MYRFL: variants seen among roughly 807,000 people sequenced by gnomAD.
MYRFL encodes the protein myelin regulatory factor like.
MYRFL carries 88 observed loss-of-function variants against 109.4 expected under a neutral mutation model. The observed-to-expected ratio is 0.80, with a 90% CI of 0.68 to 0.96. MYRFL has a LOEUF of 0.96. Ranked by LOEUF, MYRFL falls within the 40% of genes least tolerant of loss-of-function variation. The pLI, the probability that MYRFL is intolerant of heterozygous loss-of-function variation, is 0.00. For synonymous variants in MYRFL, 324 were observed against 320.9 expected (o/e 1.01, Z -0.10); for missense variants, 957 against 954.9 (o/e 1.00, Z -0.03).
chr12:69,880,676 AG>A (rs1451556693), intron 5 of MYRFL, among the ~76,000 whole-genome samples: 1 of 152,240 alleles, frequency 6.6e-6, no homozygotes, highest in Non-Finnish European at 1.5e-5. Context: ...AAATAGCATG[AG>A]GATCTTGGTA....
At chr12:69,922,174 G>A (rs1403034554) in intron 13 of MYRFL, among the ~76,000 whole-genome samples, 5 of 152,046 alleles carry the variant, frequency 3.3e-5, no homozygotes, top group Non-Finnish European at 7.4e-5. Flanking sequence ...TCTGTTTTGG[G>A]CTGCTGGTGG....
chr12:69,885,719 A>G (rs1886407040), intron 5 of MYRFL, among the ~76,000 whole-genome samples: 1 of 152,228 alleles, frequency 6.6e-6, no homozygotes, highest in Non-Finnish European at 1.5e-5. Context: ...TATGCAAAAT[A>G]GGAGGTTGCA....
intron 13 of MYRFL, among the ~76,000 whole-genome samples, chr12:69,920,646 G>A (rs913962172): frequency 3.3e-5 from 5 of 152,168 alleles, no homozygotes; most frequent in Non-Finnish European, 5.9e-5. Context: ...TTCAGGTAGA[G>A]GAAGCAGCAT....
chr12:69,889,342 C>A (rs1282118941), intron 6 of MYRFL, among the ~76,000 whole-genome samples: 1 of 152,056 alleles, frequency 6.6e-6, no homozygotes, highest in Non-Finnish European at 1.5e-5. Flanking sequence ...TAATGTTATG[C>A]ATTTAATATG....
intron 1 of MYRFL, among the ~76,000 whole-genome samples, chr12:69,854,060 G>C (rs1884102346): frequency 6.6e-6 from 1 of 152,220 alleles, no homozygotes; most frequent in African/African-American, 2.4e-5. Flanking sequence ...GGGCAACATT[G>C]AGCACTGAGT....
Position 69,880,214 on chromosome 12 carries a change from C to G in MYRFL, c.478C>G (p.Pro160Ala). 2 of 702,662 alleles carry G rather than the reference C, an allele frequency of 2.8e-6. No homozygotes were observed. The highest frequency in any genetic ancestry group is 5.2e-6 in the Non-Finnish European group (2 of 384,774). 43.5% of individuals were successfully genotyped at this position (702,662 alleles called of 1,614,324 possible). ...TCTTGATTTTAGAGCCTCATTGCCT[C>G]CAACCAAGAAGAGAAAGTGCACGCA... Reference protein sequence around the residue: ...LCHSPGASLPPTKKRKCTQAL... With the variant: ...LCHSPGASLPATKKRKCTQAL... The change falls in exon 5 of 25, where the codon CCA becomes GCA. Residue 160 changes from proline (P) to alanine (A), a missense_variant. Pro to Ala is a conservative substitution (Grantham distance 27). Coordinates refer to ENST00000552032, the MANE Select transcript of MYRFL (RefSeq NM_182530.3).
At chr12:69,912,123 A>G (rs1052602319) in intron 13 of MYRFL, among the ~76,000 whole-genome samples, 2 of 152,220 alleles carry the variant, frequency 1.3e-5, no homozygotes. Flanking sequence ...AGGCCTGCTC[A>G]GCCCAGGGCT....
intron 9 of MYRFL, 90 bp from the exon 10 acceptor site, chr12:69,897,066 A>G (rs1196560452): frequency 1.2e-6 from 1 of 852,228 alleles, no homozygotes; most frequent in African/African-American, 1.7e-5. Context: ...CGATAAGTTC[A>G]CTATTGATCA....
At chr12:69,928,080 C>T (rs966757995) in intron 15 of MYRFL, among the ~76,000 whole-genome samples, 2 of 152,150 alleles carry the variant, frequency 1.3e-5, no homozygotes, top group African/African-American at 4.8e-5. Flanking sequence ...GACCGCCACC[C>T]CCTTATCTTT....
At chr12:69,880,900 TTTAGAAGTCTTTCATCCGAG>T (rs891014097) in intron 5 of MYRFL, among the ~76,000 whole-genome samples, 2 of 151,598 alleles carry the variant, frequency 1.3e-5, no homozygotes, top group African/African-American at 4.8e-5. Context: ...TTGAAATCAT[TTTAGAAGTCTTTCATCCGAG>T]TCATCTAATG....
intron 1 of MYRFL, among the ~76,000 whole-genome samples, chr12:69,847,005 AGT>A (rs561500920): frequency 6.0e-4 from 91 of 152,106 alleles, no homozygotes; most frequent in South Asian, 1.0e-3. Context: ...TCTTTTGAGA[AGT>A]GTCTGTTCAT....
intron 1 of MYRFL, among the ~76,000 whole-genome samples, chr12:69,839,711 A>G (rs1465000248): frequency 6.6e-6 from 1 of 152,226 alleles, no homozygotes; most frequent in Admixed American, 6.5e-5. Context: ...GAGAAAGTAA[A>G]TGTAAAATTC....
At chr12:69,935,539 T>A (rs538152216) in intron 16 of MYRFL, among the ~76,000 whole-genome samples, 1 of 152,320 alleles carries the variant, frequency 6.6e-6, no homozygotes, top group South Asian at 2.1e-4. Flanking sequence ...ATTTTTGAAG[T>A]CTCACAGTGT....
chr12:69,836,164 T>C (rs1390593682), intron 1 of MYRFL, among the ~76,000 whole-genome samples: 1 of 152,212 alleles, frequency 6.6e-6, no homozygotes, highest in Non-Finnish European at 1.5e-5. Context: ...TTCCGTGTGC[T>C]TCTGCCGGTC....
intron 2 of MYRFL, among the ~76,000 whole-genome samples, chr12:69,859,783 A>G (rs1884523656): frequency 6.6e-6 from 1 of 152,172 alleles, no homozygotes; most frequent in South Asian, 2.1e-4. Context: ...GGTGCTGGAG[A>G]GGATGTGGAG....
rs528336393 is a variant in MYRFL at position 69,918,954 on chromosome 12, G to C, written c.1603-7617G>C. Among the ~76,000 whole-genome samples, 43 of 152,188 alleles carry C rather than the reference G, an allele frequency of 2.8e-4. 1 individual carries two copies. Among genetic ancestry groups the C allele is most frequent in the Admixed American group, 9.2e-4 (14 of 15,284 alleles). On this transcript the variant is annotated intron_variant, in intron 13 of 24. Coordinates refer to ENST00000552032, the MANE Select transcript of MYRFL (RefSeq NM_182530.3). ...ATGCCTTGTTAGCTTCCTTCCTAGTGCTAATTACACCTTTGAACTGTATTA... is the reference window on the plus strand; with the variant it reads ...ATGCCTTGTTAGCTTCCTTCCTAGTCCTAATTACACCTTTGAACTGTATTA...
chr12:69,834,228 G>C lies in MYRFL; in HGVS notation c.46+8665G>C, dbSNP rs369341768. Among the ~76,000 whole-genome samples the C allele has an allele frequency of 3.3e-5, 5 of 152,240 alleles. No homozygotes were observed. The East Asian group carries it at 7.7e-4, about 23-fold the overall frequency. On this transcript the variant is annotated intron_variant, in intron 1 of 24. Transcript: ENST00000552032. ...ATGGGACCCCAGTGGTTGATACCCT[G>C]GTATTAACAATATAAGAAACAAATG... is the stretch of plus-strand genomic sequence containing the variant.
At chr12:69,847,628 A>C (rs1883636441) in intron 1 of MYRFL, among the ~76,000 whole-genome samples, 1 of 152,170 alleles carries the variant, frequency 6.6e-6, no homozygotes. Context: ...GAGTCCTAGA[A>C]AATATTTACC....
In MYRFL at chr12:69,950,327, A is replaced by G. The variant is rs572458764; in HGVS notation, c.2225-1786A>G. Among the ~76,000 whole-genome samples, 8 of 152,292 alleles carry G rather than the reference A, an allele frequency of 5.3e-5. No individual in the cohort carries two copies. In the East Asian group the frequency reaches 1.5e-3, roughly 29 times the overall value. ...AGAAGTAGGCAGGGTTGAAAAATCAATAGGGACCAATATACATTTGATGCT... is the reference window on the plus strand; with the variant it reads ...AGAAGTAGGCAGGGTTGAAAAATCAGTAGGGACCAATATACATTTGATGCT... On this transcript the variant is annotated intron_variant, in intron 19 of 24. Coordinates refer to ENST00000552032, the MANE Select transcript of MYRFL (RefSeq NM_182530.3).
Sources: gnomAD v4.1 joint callset for allele counts (sites outside exome capture counted in the v4.1 genomes callset) on GRCh38, gnomAD v4.1.1 for gene constraint, MANE v1.5 for transcripts, NCBI Gene and HGNC (gene_info 2026-07-23, HGNC 2026-07-21) for gene names.